GYPE: variants seen among roughly 807,000 people sequenced by gnomAD.
The protein encoded by GYPE is glycophorin E (MNS blood group), also known as glycophorin-E.
GYPE carries 8 observed loss-of-function variants against 11.6 expected under a neutral mutation model. That is an observed-to-expected ratio of 0.69 (90% CI 0.41 to 1.25). The LOEUF (loss-of-function observed/expected upper bound fraction) is 1.25, where lower values mean the gene tolerates loss of function less well. Ranked by LOEUF, GYPE falls within the 50% of genes most tolerant of loss-of-function variation. The pLI is 0.01. For synonymous variants in GYPE, 28 were observed against 29.6 expected (o/e 0.94, Z 0.18); for missense variants, 90 against 92.8 (o/e 0.97, Z 0.12).
intron 2 of GYPE, among the ~76,000 whole-genome samples, chr4:143,879,258 A>T (rs1899960): frequency 0.25 from 38,334 of 151,926 alleles, 4,980 homozygotes; most frequent in East Asian, 0.36. Context: ...CATCTTACTT[A>T]TGTCTCTGTC....
At chr4:143,904,502 G>A (rs1744985617) in intron 1 of GYPE, among the ~76,000 whole-genome samples, 1 of 152,128 alleles carries the variant, frequency 6.6e-6, no homozygotes, top group Admixed American at 6.5e-5. Flanking sequence ...TGTTCCTCAT[G>A]CCTGTGCTCT....
chr4:143,902,417 A>AT (rs1744901862), intron 1 of GYPE, among the ~76,000 whole-genome samples: 1 of 151,276 alleles, frequency 6.6e-6, no homozygotes, highest in Non-Finnish European at 1.5e-5. Flanking sequence ...CTGCTGTGGT[A>AT]TGAGTCAGAT....
chr4:143,897,200 G>A (rs7660091), intron 1 of GYPE, among the ~76,000 whole-genome samples: 141,230 of 152,134 alleles, frequency 0.93, 66,496 homozygotes, highest in East Asian at 1. Context: ...GTGGTGGGTC[G>A]TGCCTGTAAC....
chr4:143,878,957 GA>G (rs1254751766), intron 2 of GYPE, among the ~76,000 whole-genome samples: 1 of 152,118 alleles, frequency 6.6e-6, no homozygotes, highest in Non-Finnish European at 1.5e-5. Context: ...AGTATTGGAA[GA>G]ATCACTTATT....
At chr4:143,900,556 G>A (rs1263845830) in intron 1 of GYPE, among the ~76,000 whole-genome samples, 1 of 143,512 alleles carries the variant, frequency 7.0e-6, no homozygotes, top group East Asian at 2.0e-4. Flanking sequence ...ATGATGGATC[G>A]ATAAGCAAAA....
chr4:143,881,862 G>T (rs745925756), intron 1 of GYPE, among the ~76,000 whole-genome samples: 1 of 152,186 alleles, frequency 6.6e-6, no homozygotes, highest in Non-Finnish European at 1.5e-5. Context: ...AGGTGGAAGG[G>T]CTTCTCCTCA....
At chr4:143,903,312 T>C (rs1744934897) in intron 1 of GYPE, among the ~76,000 whole-genome samples, 1 of 151,542 alleles carries the variant, frequency 6.6e-6, no homozygotes. Context: ...CCCATTTTTC[T>C]TCCTGCCCTG....
intron 1 of GYPE, among the ~76,000 whole-genome samples, chr4:143,903,647 AAG>A (rs1744951600): frequency 1.3e-5 from 2 of 151,992 alleles, no homozygotes; most frequent in Non-Finnish European, 2.9e-5. Context: ...TAGCCACATC[AAG>A]AGAGTTTCCT....
intron 1 of GYPE, among the ~76,000 whole-genome samples, chr4:143,901,433 T>G (rs201117024): frequency 1.9e-4 from 23 of 121,420 alleles, no homozygotes; most frequent in African/African-American, 6.4e-4. Flanking sequence ...AAAAAAAAAA[T>G]AAAATCTTAC....
chr4:143,880,544 A>T, intron 1 of GYPE, 35 bp from the exon 2 acceptor site: 1 of 1,613,434 alleles, frequency 6.2e-7, no homozygotes, highest in African/African-American at 1.3e-5. Flanking sequence ...GGGATTAAGA[A>T]CGAGGTGACT....
At chr4:143,880,289 T>C in intron 2 of GYPE, 122 bp downstream of exon 2, 1 of 1,486,682 alleles carries the variant, frequency 6.7e-7, no homozygotes, top group South Asian at 1.2e-5. Context: ...GTAGGCTGTG[T>C]CTACTTAGCT....
At chr4:143,896,632 T>G (rs1744652910) in intron 1 of GYPE, among the ~76,000 whole-genome samples, 1 of 152,152 alleles carries the variant, frequency 6.6e-6, no homozygotes, top group Non-Finnish European at 1.5e-5. Context: ...AGAAATACCA[T>G]TTGACCCAGC....
At chr4:143,885,046 G>C (rs573473071) in intron 1 of GYPE, among the ~76,000 whole-genome samples, 2 of 151,082 alleles carry the variant, frequency 1.3e-5, no homozygotes, top group South Asian at 4.2e-4. Flanking sequence ...GTGTTCAAGA[G>C]TGGCCAAGAT....
At chr4:143,900,592 T>A (rs1457175095) in intron 1 of GYPE, among the ~76,000 whole-genome samples, 2 of 149,060 alleles carry the variant, frequency 1.3e-5, no homozygotes, top group African/African-American at 4.9e-5. Context: ...CAAATTTTCA[T>A]CAAATGATGG....
At chr4:143,901,086 C>T (rs1240545042) in intron 1 of GYPE, among the ~76,000 whole-genome samples, 1 of 152,128 alleles carries the variant, frequency 6.6e-6, no homozygotes. Flanking sequence ...TATTCAGAAC[C>T]TGCCTATGTA....
intron 1 of GYPE, among the ~76,000 whole-genome samples, chr4:143,888,089 G>A (rs1336861841): frequency 1.3e-5 from 1 of 78,036 alleles, no homozygotes; most frequent in Non-Finnish European, 2.6e-5. Flanking sequence ...AGTTCCCATT[G>A]TACCATGGAG....
chr4:143,876,535 C>T (rs1323792900), intron 3 of GYPE, among the ~76,000 whole-genome samples: 3 of 151,922 alleles, frequency 2.0e-5, no homozygotes, highest in Non-Finnish European at 4.4e-5. Context: ...AAATGGGGGA[C>T]AGATTTATAT....
intron 1 of GYPE, among the ~76,000 whole-genome samples, chr4:143,899,147 C>A (rs1744771727): frequency 2.0e-5 from 3 of 147,936 alleles, no homozygotes; most frequent in South Asian, 2.2e-4. Context: ...GGAAGACAGA[C>A]CGTCAACCTT....
At chr4:143,901,442 A>G (rs1452948252) in intron 1 of GYPE, among the ~76,000 whole-genome samples, 1 of 149,068 alleles carries the variant, frequency 6.7e-6, no homozygotes, top group East Asian at 2.0e-4. Flanking sequence ...ATAAAATCTT[A>G]CAATCCCAAC....
Sources: gnomAD v4.1 joint callset for allele counts (sites outside exome capture counted in the v4.1 genomes callset) on GRCh38, gnomAD v4.1.1 for gene constraint, MANE v1.5 for transcripts, NCBI Gene and HGNC (gene_info 2026-07-23, HGNC 2026-07-21) for gene names.